YTHDF2: variants seen among roughly 807,000 people sequenced by gnomAD.
The protein encoded by YTHDF2 is YTH N6-methyladenosine RNA binding protein F2.
YTHDF2 carries 2 observed loss-of-function variants against 50.4 expected under a neutral mutation model. The ratio of observed to expected loss-of-function variants is 0.04; its 90% CI spans 0.02 to 0.12. YTHDF2 has a LOEUF of 0.12. Ranked by LOEUF, YTHDF2 falls within the 10% of genes least tolerant of loss-of-function variation. The probability of loss-of-function intolerance (pLI) is 1.00; values close to 1 mark genes in which losing one functional copy is unlikely to be tolerated. For missense variants in YTHDF2, 483 were observed against 722.6 expected (o/e 0.67, Z 3.80); for synonymous variants, 217 against 255.6 (o/e 0.85, Z 1.44).
At chr1:28,751,018 G>A (rs1028339195) in intron 4 of YTHDF2, among the ~76,000 whole-genome samples, 1 of 149,036 alleles carries the variant, frequency 6.7e-6, no homozygotes, top group African/African-American at 2.5e-5. Flanking sequence ...GCTTGAACTT[G>A]GGAGATGGAG....
At chr1:28,749,233 C>T (rs970744358) in intron 4 of YTHDF2, among the ~76,000 whole-genome samples, 2 of 138,784 alleles carry the variant, frequency 1.4e-5, no homozygotes, top group East Asian at 4.2e-4. Context: ...GCTCTGTCGT[C>T]CAGGCGGGAG....
intron 2 of YTHDF2, 34 bp from the exon 3 acceptor site, chr1:28,738,225 T>C: frequency 6.5e-7 from 1 of 1,535,280 alleles, no homozygotes; most frequent in Non-Finnish European, 9.0e-7. Context: ...ATTGTAGGAT[T>C]GGGACACTCC....
At chr1:28,758,130 G>T (rs2088062458) in intron 4 of YTHDF2, among the ~76,000 whole-genome samples, 1 of 152,034 alleles carries the variant, frequency 6.6e-6, no homozygotes, top group African/African-American at 2.4e-5. Context: ...AACTGGCCGG[G>T]TGTGGTGGTT....
At chr1:28,738,438 T>C (rs1267438870) in intron 3 of YTHDF2, 100 bp downstream of exon 3, 2 of 1,147,622 alleles carry the variant, frequency 1.7e-6, no homozygotes, top group Non-Finnish European at 2.5e-6. Context: ...CATTTTTTTT[T>C]CTTTTTTCTG....
At chr1:28,737,748 C>G in intron 2 of YTHDF2, 66 bp downstream of exon 2, 3 of 1,588,630 alleles carry the variant, frequency 1.9e-6, no homozygotes, top group South Asian at 1.1e-5. Context: ...GGCGGGGTCT[C>G]CGGGAAGCGC....
rs577910890 is a variant in YTHDF2, at chr1:28,749,528, G to A, written c.1716+5542G>A. On this transcript the variant is annotated intron_variant, in intron 4 of 4. Transcript: ENST00000373812. ...CTTTGGAATAGTCTGGGAGAAAGGAGAGTTAACTTTCCTGAATGAGTGAAT... is the reference window on the plus strand; with the variant it reads ...CTTTGGAATAGTCTGGGAGAAAGGAAAGTTAACTTTCCTGAATGAGTGAAT... 8.1e-4 allele frequency among the ~76,000 whole-genome samples: 124 copies of A among 152,282 alleles called. 1 individual carries two copies. Among genetic ancestry groups the A allele is most frequent in the Non-Finnish European group, 1.5e-3 (104 of 68,026 alleles).
chr1:28,767,920 A>G (rs919036611), intron 4 of YTHDF2, among the ~76,000 whole-genome samples: 6 of 148,070 alleles, frequency 4.1e-5, no homozygotes, highest in African/African-American at 1.5e-4. Context: ...AAAAATTCTG[A>G]GGCCGGGCGC....
At chr1:28,765,971 C>T (rs1485801101) in intron 4 of YTHDF2, among the ~76,000 whole-genome samples, 1 of 152,172 alleles carries the variant, frequency 6.6e-6, no homozygotes, top group African/African-American at 2.4e-5. Flanking sequence ...TTAATTGACA[C>T]AATGTTGTTA....
rs2087790785 is a variant in YTHDF2 at position 28,742,415 on chromosome 1, A to G, written c.145A>G (p.Thr49Ala). 1 of 1,562,298 alleles carries G rather than the reference A, an allele frequency of 6.4e-7. No homozygotes were observed. Among genetic ancestry groups the G allele is most frequent in the Non-Finnish European group, 8.6e-7 (1 of 1,157,720 alleles). Residue 49 changes from threonine to alanine, a missense_variant, in exon 4 of 5, where the codon ACT (threonine) becomes GCT (alanine). By Grantham distance (58) the Thr-to-Ala change is moderately conservative. This residue lies in a region of YTHDF2 where 385 missense variants were observed against 475.8 expected (regional missense o/e 0.81). Coordinates refer to ENST00000373812, the MANE Select transcript of YTHDF2 (RefSeq NM_016258.3). ...SPQARPNNAYTAMSDSYLPSY... is the reference protein window; with the variant it reads ...SPQARPNNAYAAMSDSYLPSY... ...TTTTCTTCCACAGAATAATGCATAT[A>G]CTGCCATGTCAGATTCCTACTTACC...
chr1:28,759,111 A>G (rs890803241), intron 4 of YTHDF2, among the ~76,000 whole-genome samples: 2 of 152,224 alleles, frequency 1.3e-5, no homozygotes, highest in African/African-American at 4.8e-5. Flanking sequence ...TTACCTACTG[A>G]ATGAGCATCT....
At chr1:28,751,883 A>G (rs1433768231) in intron 4 of YTHDF2, among the ~76,000 whole-genome samples, 23 of 152,260 alleles carry the variant, frequency 1.5e-4, no homozygotes, top group Admixed American at 1.4e-3. Flanking sequence ...AGGCAATAAC[A>G]TTGGAACCCT....
chr1:28,737,064 CCGCCGCCGCGCTGAGGAGAGTT>C lies in YTHDF2; in HGVS notation c.-48_-27del, dbSNP rs2087699619. 3 of 1,558,224 alleles carry C rather than the reference CCGCCGCCGCGCTGAGGAGAGTT, an allele frequency of 1.9e-6. No individual in the cohort carries two copies. The highest frequency in any genetic ancestry group is 1.2e-5 in the South Asian group (1 of 85,242). On this transcript the variant is annotated 5_prime_UTR_variant, in exon 1 of 5. Transcript: ENST00000373812. ...TCCCGCAGACGGGGCTCATCTGCCGCCGCCGCCGCGCTGAGGAGAGTTCGCCGCCGTCGCCGCCCGTGAGGAT... is the reference window on the plus strand; with the variant it reads ...TCCCGCAGACGGGGCTCATCTGCCGCCGCCGCCGTCGCCGCCCGTGAGGAT...
chr1:28,760,211 A>G (rs1057428243), intron 4 of YTHDF2, among the ~76,000 whole-genome samples: 9 of 152,134 alleles, frequency 5.9e-5, no homozygotes, highest in African/African-American at 2.2e-4. Context: ...TAAGTAGTAC[A>G]TTCTAAAATA....
intron 4 of YTHDF2, among the ~76,000 whole-genome samples, chr1:28,749,986 G>GTTTTTTTTTTTTTTTTTTTTTTTTT (rs371730633): frequency 1.3e-5 from 1 of 78,332 alleles, no homozygotes; most frequent in African/African-American, 5.3e-5. Flanking sequence ...AAAAAAGGTT[G>GTTTTTTTTTTTTTTTTTTTTTTTTT]TTTTTTTTTT....
At position 28,743,719 on chromosome 1, in the gene YTHDF2, A is replaced by G. The variant is rs757826229; in HGVS notation, c.1449A>G (p.Ala483=). The G allele has an allele frequency of 2.5e-6, 4 of 1,614,166 alleles. No homozygotes were observed. The highest frequency in any genetic ancestry group is 1.6e-4 in the Middle Eastern group (1 of 6,062). ...MKSAVDYNTC[A]GVWSQDKWKG... is the part of the protein sequence containing the mutation. ...CTGCTGTGGACTACAACACATGTGCAGGTGTGTGGTCCCAGGACAAATGGA... is the reference window on the plus strand; with the variant it reads ...CTGCTGTGGACTACAACACATGTGCGGGTGTGTGGTCCCAGGACAAATGGA... The change falls in exon 4 of 5, where the codon GCA becomes GCG. Residue 483 remains alanine, a synonymous_variant. Coordinates refer to ENST00000373812, the MANE Select transcript of YTHDF2 (RefSeq NM_016258.3). This position sits in a 1 kb window ranked among gnomAD's most constrained non-coding sequence, Gnocchi z 6.9.
At chr1:28,764,069 C>T (rs1275328759) in intron 4 of YTHDF2, among the ~76,000 whole-genome samples, 1 of 151,282 alleles carries the variant, frequency 6.6e-6, no homozygotes, top group South Asian at 2.1e-4. Flanking sequence ...CCTGCCTCAG[C>T]CTTCCTAGTA....
intron 3 of YTHDF2, among the ~76,000 whole-genome samples, chr1:28,739,662 C>T (rs184824960): frequency 2.0e-5 from 3 of 151,994 alleles, no homozygotes; most frequent in Non-Finnish European, 2.9e-5. Context: ...TATTTCTCAC[C>T]GAAGGGAGGT....
At position 28,743,268 on chromosome 1, in the gene YTHDF2, C is replaced by T; in HGVS notation, c.998C>T (p.Pro333Leu). 1 of 1,614,176 alleles carries T rather than the reference C, an allele frequency of 6.2e-7. No individual in the cohort carries two copies. Among genetic ancestry groups the T allele is most frequent in the South Asian group, 1.1e-5 (1 of 91,086 alleles). The change falls in exon 4 of 5, where the codon CCA (proline) becomes CTA (leucine). Residue 333 changes from proline (P) to leucine (L), a missense_variant. Around this residue, in one of 4 missense-constraint regions of YTHDF2, gnomAD observed 385 missense variants for 475.8 expected, o/e 0.81. Coordinates refer to ENST00000373812, the MANE Select transcript of YTHDF2 (RefSeq NM_016258.3). The surrounding 1 kb of genome is among the most constrained non-coding windows in gnomAD (Gnocchi z 6.9). ...GQQTQPLPPP[P>L]PQPAQLSVQQ... ...CAGACACAGCCATTGCCTCCACCTC[C>T]ACCACAGCCTGCCCAGCTTTCAGTC...
chr1:28,742,786 C>T lies in YTHDF2; in HGVS notation c.516C>T (p.Ala172=), dbSNP rs770588985. The change falls in exon 4 of 5, where the codon GCC becomes GCT. Residue 172 remains alanine (A), a synonymous_variant. Coordinates refer to ENST00000373812, the MANE Select transcript of YTHDF2 (RefSeq NM_016258.3). ...GAMIDGQSAF[A]NETLNKAPGM... ...TGATTGATGGACAGTCAGCTTTTGCCAATGAGACCCTCAATAAGGCTCCTG... is the reference window on the plus strand; with the variant it reads ...TGATTGATGGACAGTCAGCTTTTGCTAATGAGACCCTCAATAAGGCTCCTG... The T allele has an allele frequency of 6.2e-7, 1 of 1,614,110 alleles. No homozygotes were observed. Among genetic ancestry groups the T allele is most frequent in the South Asian group, 1.1e-5 (1 of 91,068 alleles).
Sources: gnomAD v4.1 joint callset for allele counts (sites outside exome capture counted in the v4.1 genomes callset) on GRCh38, gnomAD v4.1.1 for gene constraint, gnomAD v4.1.1 regional missense constraint, Gnocchi (gnomAD v3.1) non-coding constraint, MANE v1.5 for transcripts, NCBI Gene and HGNC (gene_info 2026-07-23, HGNC 2026-07-21) for gene names.